The following ARHGEF12 variants were observed in gnomAD, a reference collection of about 807,000 sequenced individuals.
ARHGEF12 encodes the protein Rho guanine nucleotide exchange factor 12, also known as KMT2A/ARHGEF12 fusion protein.
In ARHGEF12, 66 loss-of-function variants were observed where a neutral mutation model predicts 211.2. The observed-to-expected ratio is 0.31, with a 90% CI of 0.26 to 0.38. The LOEUF (loss-of-function observed/expected upper bound fraction) is 0.38, where lower values mean the gene tolerates loss of function less well. ARHGEF12 is among the 10% of genes least tolerant of loss of function. ARHGEF12 has a pLI of 1.00. For synonymous variants in ARHGEF12, 592 were observed against 638.4 expected (o/e 0.93, Z 1.09); for missense variants, 1,429 against 1,869.5 (o/e 0.76, Z 4.34).
At chr11:120,478,445 C>A in intron 37 of ARHGEF12, 56 bp downstream of exon 37, 1 of 1,442,602 alleles carries the variant, frequency 6.9e-7, no homozygotes, top group Non-Finnish European at 9.7e-7. Flanking sequence ...ACTCATGTGC[C>A]ATCCCTAAAG....
chr11:120,397,530 C>A (rs1944427123), intron 1 of ARHGEF12, among the ~76,000 whole-genome samples: 1 of 152,082 alleles, frequency 6.6e-6, no homozygotes. Flanking sequence ...TTAGACCCAG[C>A]CTAAATATTT....
intron 33 of ARHGEF12, chr11:120,476,394 G>A (rs908433103): frequency 1.8e-5 from 5 of 276,560 alleles, no homozygotes; most frequent in Non-Finnish European, 3.4e-5. Flanking sequence ...TTTTTGACAT[G>A]CTTTTAGCAA....
At chr11:120,364,715 A>T (rs998689278) in intron 1 of ARHGEF12, among the ~76,000 whole-genome samples, 1 of 152,184 alleles carries the variant, frequency 6.6e-6, no homozygotes, top group Non-Finnish European at 1.5e-5. Context: ...ATTGTTCATG[A>T]TCTGTGAAAA....
chr11:120,416,310 T>G (rs916479506), intron 4 of ARHGEF12, among the ~76,000 whole-genome samples: 11 of 152,132 alleles, frequency 7.2e-5, no homozygotes, highest in African/African-American at 1.4e-4. Flanking sequence ...TGCAAGGTTC[T>G]GAGATAAGAT....
At chr11:120,338,581 A>G (rs532166467) in intron 1 of ARHGEF12, among the ~76,000 whole-genome samples, 3 of 152,338 alleles carry the variant, frequency 2.0e-5, no homozygotes, top group Admixed American at 2.0e-4. Flanking sequence ...TACACTTAAG[A>G]TAAGTATTGA....
chr11:120,378,594 A>G (rs1943794165), intron 1 of ARHGEF12, among the ~76,000 whole-genome samples: 1 of 152,170 alleles, frequency 6.6e-6, no homozygotes. Flanking sequence ...AATTTTTTCT[A>G]GAAGTTGTAT....
intron 4 of ARHGEF12, among the ~76,000 whole-genome samples, chr11:120,416,428 G>A (rs918369774): frequency 2.6e-5 from 4 of 152,154 alleles, no homozygotes; most frequent in South Asian, 2.1e-4. Context: ...AGTACACAGA[G>A]GGTGCAGTGG....
rs1014506588 is a variant in ARHGEF12 at position 120,488,352 on chromosome 11, G to A, written c.*3275G>A. The A allele has an allele frequency of 1.9e-5, 4 of 214,048 alleles. No homozygotes were observed. Among genetic ancestry groups the A allele is most frequent in the East Asian group, 6.9e-5 (1 of 14,402 alleles). 13.3% of individuals were successfully genotyped at this position (214,048 alleles called of 1,614,324 possible). A position where few individuals can be genotyped will look rare whatever the true frequency, so the allele number is the denominator to read the frequency against. On this transcript the variant is annotated 3_prime_UTR_variant, in exon 41 of 41. Coordinates refer to ENST00000397843, the MANE Select transcript of ARHGEF12 (RefSeq NM_015313.3). ...CACAGAGGGCACCACTGAGAACTGC[G>A]TGCATAGGACCTCAAAATACAAAAT...
At chr11:120,451,830 A>G (rs1443039430) in intron 22 of ARHGEF12, 106 bp downstream of exon 22, 1 of 1,068,704 alleles carries the variant, frequency 9.4e-7, no homozygotes, top group East Asian at 2.6e-5. Context: ...TCCCAGTTTA[A>G]TTTAATTTTG....
At chr11:120,378,010 C>T (rs1943779056) in intron 1 of ARHGEF12, among the ~76,000 whole-genome samples, 1 of 151,742 alleles carries the variant, frequency 6.6e-6, no homozygotes, top group African/African-American at 2.4e-5. Flanking sequence ...TAGGGATCCT[C>T]CCACCTCACC....
Position 120,336,464 on chromosome 11 carries a change from C to T in ARHGEF12, c.-780C>T, listed in dbSNP as rs548619432. 4.3e-4 allele frequency among the ~76,000 whole-genome samples: 65 copies of T among 151,890 alleles called. No homozygotes were observed. In the East Asian group the frequency reaches 0.012, roughly 28 times the overall value. On this transcript the variant is annotated 5_prime_UTR_variant, in exon 1 of 41. Transcript: ENST00000397843. ...GGGAGACGCCGCCGCCTCCGCCTCC[C>T]GGACCAGGGCTTCCAGGCCGGGCCG...
intron 33 of ARHGEF12, 170 bp from the exon 34 acceptor site, chr11:120,476,491 G>T: frequency 2.2e-6 from 1 of 446,316 alleles, no homozygotes; most frequent in Non-Finnish European, 4.0e-6. Flanking sequence ...CAATAAATAC[G>T]TTAATATGGT....
intron 11 of ARHGEF12, 122 bp downstream of exon 11, chr11:120,432,033 A>G: frequency 4.5e-6 from 4 of 883,474 alleles, no homozygotes; most frequent in Non-Finnish European, 6.3e-6. Flanking sequence ...CCCCATTTTT[A>G]ATGTACCAAT....
At chr11:120,353,212 A>G (rs573440199) in intron 1 of ARHGEF12, among the ~76,000 whole-genome samples, 4 of 152,332 alleles carry the variant, frequency 2.6e-5, no homozygotes, top group Non-Finnish European at 4.4e-5. Flanking sequence ...AGGGTCATCA[A>G]TCTTAGAACT....
intron 1 of ARHGEF12, among the ~76,000 whole-genome samples, chr11:120,397,962 G>A (rs1401774718): frequency 6.6e-6 from 1 of 152,126 alleles, no homozygotes; most frequent in African/African-American, 2.4e-5. Context: ...GGGATTATGG[G>A]TGATTTTTGT....
rs1790962874 is a variant in ARHGEF12 at position 120,378,313 on chromosome 11, T to C, written c.33-27805T>C. On this transcript the variant is annotated intron_variant, in intron 1 of 40. Transcript: ENST00000397843. ...TTGCTTATTGACCTTTTGTTCTCTT[T>C]TGTGAAGTGTCTGTTCAAGTCTTTT... 2.6e-5 allele frequency among the ~76,000 whole-genome samples: 4 copies of C among 152,314 alleles called. No homozygotes were observed. In the South Asian group the frequency reaches 8.3e-4, roughly 32 times the overall value.
intron 4 of ARHGEF12, among the ~76,000 whole-genome samples, chr11:120,418,105 A>T (rs1013420611): frequency 1.3e-5 from 2 of 152,202 alleles, no homozygotes; most frequent in African/African-American, 4.8e-5. Flanking sequence ...ACTAATTGTA[A>T]GTGTATGGTT....
At position 120,487,004 on chromosome 11, in the gene ARHGEF12, A is replaced by G. The variant is rs1449375148; in HGVS notation, c.*1927A>G. The G allele has an allele frequency of 4.6e-6, 1 of 215,960 alleles. No individual in the cohort carries two copies. Among genetic ancestry groups the G allele is most frequent in the African/African-American group, 2.2e-5 (1 of 44,464 alleles). The allele number at this position is 215,960 out of a possible 1,614,324, so 13.4% of individuals were successfully genotyped here. ...CTTTCTGTATCTCTTAGGAGGAACA[A>G]GTAAAAACCAAATGGTTACATTGTG... On this transcript the variant is annotated 3_prime_UTR_variant, in exon 41 of 41. Coordinates refer to ENST00000397843, the MANE Select transcript of ARHGEF12 (RefSeq NM_015313.3).
At position 120,440,145 on chromosome 11, in the gene ARHGEF12, T is replaced by G; in HGVS notation, c.1016T>G (p.Val339Gly). 6.2e-7 allele frequency: 1 copy of G among 1,613,116 alleles called. No homozygotes were observed. The highest frequency in any genetic ancestry group is 8.5e-7 in the Non-Finnish European group (1 of 1,179,476). ...TGTTGCCAGGACACTCAATCACTTGTCGGAAGTCCCTCAACCCGTATAGCA... is the reference window on the plus strand; with the variant it reads ...TGTTGCCAGGACACTCAATCACTTGGCGGAAGTCCCTCAACCCGTATAGCA... ...TIQDTDTQSL[V>G]GSPSTRIAPH... The change falls in exon 13 of 41, where the codon GTC (valine) becomes GGC (glycine). Residue 339 changes from valine (V) to glycine (G), a missense_variant. Physicochemically the swap from Val to Gly is moderately radical, Grantham distance 109. Transcript: ENST00000397843.
Sources: allele counts gnomAD v4.1 joint callset (sites outside exome capture counted in the v4.1 genomes callset), GRCh38; gene constraint gnomAD v4.1.1; transcripts MANE v1.5; gene names NCBI Gene and HGNC (gene_info 2026-07-23, HGNC 2026-07-21).